The following PPFIBP2 variants were observed in gnomAD, a reference collection of about 807,000 sequenced individuals.
PPFIBP2 encodes the protein liprin-beta-2.
PPFIBP2 carries 118 observed loss-of-function variants against 118.3 expected under a neutral mutation model. That is an observed-to-expected ratio of 1.00 (90% CI 0.86 to 1.16). The LOEUF is 1.16. Ranked by LOEUF, PPFIBP2 falls within the 50% of genes most tolerant of loss-of-function variation. The pLI, the probability that PPFIBP2 is intolerant of heterozygous loss-of-function variation, is 0.00. For synonymous variants in PPFIBP2, 414 were observed against 397.4 expected, an observed-to-expected ratio of 1.04 and a Z score of -0.50; for missense variants, 1,195 against 1,073.1, an observed-to-expected ratio of 1.11 and a Z score of -1.59.
chr11:7,660,447 A>C (rs1290328547), downstream of PPFIBP2, among the ~76,000 whole-genome samples: 2 of 147,444 alleles, frequency 1.4e-5, no homozygotes, highest in African/African-American at 4.9e-5. Flanking sequence ...GCTGGATTAC[A>C]TTTATTGATT....
At chr11:7,560,242 T>C (rs1854149007) in intron 2 of PPFIBP2, among the ~76,000 whole-genome samples, 2 of 152,352 alleles carry the variant, frequency 1.3e-5, no homozygotes, top group Middle Eastern at 3.4e-3. Flanking sequence ...CCATATTGTC[T>C]AGCATCCTGT....
chr11:7,577,326 T>TGCGC (rs1554958757), intron 3 of PPFIBP2: 10 of 283,914 alleles, frequency 3.5e-5, no homozygotes, highest in Non-Finnish European at 6.3e-5. Context: ...TGTGCGTGTG[T>TGCGC]GTGTGTGTGT....
intron 17 of PPFIBP2, 97 bp from the exon 18 acceptor site, chr11:7,648,290 G>C (rs1433902063): frequency 2.1e-6 from 3 of 1,402,714 alleles, no homozygotes; most frequent in Non-Finnish European, 2.9e-6. Context: ...TTTTTGTTTT[G>C]TTTTTTCTTT....
chr11:7,528,468 T>C (rs1850408759), intron 1 of PPFIBP2, among the ~76,000 whole-genome samples: 1 of 152,194 alleles, frequency 6.6e-6, no homozygotes, highest in South Asian at 2.1e-4. Flanking sequence ...GCCTGAATCT[T>C]CTCTAATTTA....
At chr11:7,538,368 C>T (rs1851428144) in intron 1 of PPFIBP2, 1 of 152,580 alleles carries the variant, frequency 6.6e-6, no homozygotes. Context: ...GGTCTCAGTG[C>T]CTGTTGCTGC....
intron 1 of PPFIBP2, among the ~76,000 whole-genome samples, chr11:7,545,575 C>T (rs989873141): frequency 4.6e-5 from 7 of 152,210 alleles, no homozygotes; most frequent in Non-Finnish European, 8.8e-5. Flanking sequence ...CATCAGAGGT[C>T]TGTAGATACA....
chr11:7,639,986 G>T, intron 15 of PPFIBP2, 116 bp downstream of exon 15: 6 of 1,423,144 alleles, frequency 4.2e-6, no homozygotes, highest in East Asian at 2.4e-5. Context: ...TGGTGGGGTG[G>T]GTGGCTGGAA....
At chr11:7,662,123 A>C (rs982312295), downstream of PPFIBP2, among the ~76,000 whole-genome samples, 44 of 149,604 alleles carry the variant, frequency 2.9e-4, no homozygotes, top group South Asian at 6.5e-4. Context: ...TGTGTCTTTT[A>C]ATTGGAGCAT....
chr11:7,662,206 A>T, the PPFIBP2 span, among the ~76,000 whole-genome samples: 7 of 151,606 alleles, frequency 4.6e-5, no homozygotes, highest in African/African-American at 1.7e-4. Context: ...TTAGCTGGTT[A>T]TTTTGCTCGT....
At chr11:7,593,729 A>C (rs1030931941) in intron 4 of PPFIBP2, among the ~76,000 whole-genome samples, 1 of 152,196 alleles carries the variant, frequency 6.6e-6, no homozygotes, top group African/African-American at 2.4e-5. Flanking sequence ...TAAGCCTTTG[A>C]TAGCTGTCTT....
intron 3 of PPFIBP2, chr11:7,568,781 A>G (rs1402624947): frequency 6.6e-6 from 1 of 152,350 alleles, no homozygotes; most frequent in Admixed American, 6.5e-5. Flanking sequence ...TCAAGTTTCT[A>G]AGGAAAAGGA....
intron 3 of PPFIBP2, among the ~76,000 whole-genome samples, chr11:7,588,153 T>C (rs992946089): frequency 2.0e-5 from 3 of 152,150 alleles, no homozygotes; most frequent in Non-Finnish European, 4.4e-5. Flanking sequence ...GAGGAACTTA[T>C]CAAGAGTAAA....
At chr11:7,597,054 T>A in intron 4 of PPFIBP2, 2 of 862,838 alleles carry the variant, frequency 2.3e-6, no homozygotes, top group Non-Finnish European at 3.2e-6. Context: ...TGCTAATACA[T>A]GCCCTTTACA....
intron 3 of PPFIBP2, among the ~76,000 whole-genome samples, chr11:7,571,536 A>T (rs1157008267): frequency 6.6e-6 from 1 of 152,228 alleles, no homozygotes; most frequent in Non-Finnish European, 1.5e-5. Flanking sequence ...GATAGTCAGG[A>T]TACGTGTGTG....
chr11:7,605,311 C>T (rs990960349), intron 5 of PPFIBP2, among the ~76,000 whole-genome samples: 2 of 152,148 alleles, frequency 1.3e-5, no homozygotes, highest in African/African-American at 4.8e-5. Flanking sequence ...ATCTTTTCAG[C>T]AAATACGAGG....
chr11:7,615,356 A>G (rs1475530455), intron 6 of PPFIBP2, among the ~76,000 whole-genome samples: 1 of 150,126 alleles, frequency 6.7e-6, no homozygotes, highest in Non-Finnish European at 1.5e-5. Context: ...AAAAAAAAGA[A>G]TTATAAAGCT....
chr11:7,550,276 A>T (rs1327490442), intron 2 of PPFIBP2, among the ~76,000 whole-genome samples: 1 of 152,200 alleles, frequency 6.6e-6, no homozygotes, highest in South Asian at 2.1e-4. Context: ...GGTAGATTGG[A>T]TGTGCTTCTT....
chr11:7,630,923 A>C lies in PPFIBP2; in HGVS notation c.965-2A>C. On this transcript the variant is annotated splice_acceptor_variant, in intron 10 of 23. Coordinates refer to ENST00000299492, the MANE Select transcript of PPFIBP2 (RefSeq NM_003621.5). LOFTEE classifies it high-confidence loss of function. The stretch of plus-strand genomic sequence containing the variant: ...TCAGTCTTACTACCTTAATGCTTGC[A>C]GGGCCTTCGGAGAGAACTCTCTCAA... 1.9e-6 allele frequency: 3 copies of C among 1,612,008 alleles called. No individual in the cohort carries two copies. The highest frequency in any genetic ancestry group is 2.5e-6 in the Non-Finnish European group (3 of 1,178,072).
downstream of PPFIBP2, among the ~76,000 whole-genome samples, chr11:7,659,132 G>T (rs1448059919): frequency 8.0e-5 from 12 of 149,278 alleles, no homozygotes; most frequent in Non-Finnish European, 1.5e-4. Flanking sequence ...TTGCTGTGCA[G>T]AAGCTCTTTA....
Sources: gnomAD v4.1 joint callset for allele counts (sites outside exome capture counted in the v4.1 genomes callset) on GRCh38, gnomAD v4.1.1 for gene constraint, MANE v1.5 for transcripts, NCBI Gene and HGNC (gene_info 2026-07-23, HGNC 2026-07-21) for gene names.